Variants in PRKN observed in about 807,000 individuals in gnomAD.
PRKN encodes parkin RBR E3 ubiquitin protein ligase, also known as E3 ubiquitin-protein ligase parkin.
A neutral mutation model predicts 59.5 loss-of-function variants in PRKN; 56 were observed. That is an observed-to-expected ratio of 0.94 (90% confidence interval 0.76 to 1.18). PRKN has a LOEUF of 1.18. Among genes scored for constraint, PRKN ranks in the 50% most tolerant of loss-of-function variants. The pLI is 0.00. For synonymous variants in PRKN, 250 were observed against 222.1 expected (o/e 1.13, Z -1.12); for missense variants, 657 against 596.4 (o/e 1.10, Z -1.06).
intron 1 of PRKN, among the ~76,000 whole-genome samples, chr6:162,652,568 C>G (rs1399375060): frequency 6.6e-6 from 1 of 152,004 alleles, no homozygotes; most frequent in Non-Finnish European, 1.5e-5. Flanking sequence ...AAAAGCAATA[C>G]AACACAATAT....
chr6:162,227,042 C>A (rs180936636), intron 3 of PRKN, among the ~76,000 whole-genome samples: 1 of 152,322 alleles, frequency 6.6e-6, no homozygotes, highest in East Asian at 1.9e-4. Flanking sequence ...AATGCACAGT[C>A]TTCTTGTCAT....
intron 6 of PRKN, among the ~76,000 whole-genome samples, chr6:161,923,859 T>C (rs1167069674): frequency 6.6e-6 from 1 of 152,282 alleles, no homozygotes; most frequent in East Asian, 1.9e-4. Flanking sequence ...TGGCTTCCTC[T>C]TTCCCTGTCT....
At chr6:162,344,983 A>C (rs1784337136) in intron 2 of PRKN, among the ~76,000 whole-genome samples, 1 of 152,234 alleles carries the variant, frequency 6.6e-6, no homozygotes, top group African/African-American at 2.4e-5. Context: ...AGTGTGCACC[A>C]AAAGGTAAAG....
At chr6:162,105,075 T>C (rs1780134628) in intron 4 of PRKN, among the ~76,000 whole-genome samples, 1 of 152,130 alleles carries the variant, frequency 6.6e-6, no homozygotes, top group Admixed American at 6.6e-5. Flanking sequence ...GAAGCACTCA[T>C]CACGCATTAG....
intron 1 of PRKN, among the ~76,000 whole-genome samples, chr6:162,617,702 ATCTG>A (rs1363519760): frequency 3.3e-5 from 5 of 152,150 alleles, no homozygotes; most frequent in African/African-American, 7.2e-5. Context: ...TTATGCAGTT[ATCTG>A]TCTTTCTGTG....
At chr6:161,974,760 A>C (rs2128252360) in intron 5 of PRKN, among the ~76,000 whole-genome samples, 1 of 152,290 alleles carries the variant, frequency 6.6e-6, no homozygotes, top group Non-Finnish European at 1.5e-5. Flanking sequence ...TAACTACCTG[A>C]AATGTGGGAA....
intron 6 of PRKN, among the ~76,000 whole-genome samples, chr6:161,831,248 T>TA (rs1792486961): frequency 6.6e-6 from 1 of 152,052 alleles, no homozygotes; most frequent in African/African-American, 2.4e-5. Context: ...CACAATGAAA[T>TA]AAAAATAAAA....
intron 1 of PRKN, among the ~76,000 whole-genome samples, chr6:162,527,698 G>A (rs1583731056): frequency 6.6e-6 from 1 of 152,174 alleles, no homozygotes; most frequent in Non-Finnish European, 1.5e-5. Context: ...AGTACATGTA[G>A]ACATGGTCCA....
chr6:161,353,943 G>C lies in PRKN; in HGVS notation c.1286-3732C>G, dbSNP rs62435870. 0.21 allele frequency among the ~76,000 whole-genome samples: 31,670 copies of C among 152,186 alleles called. 3,819 individuals are homozygous for C. The highest frequency in any genetic ancestry group is 0.34 in the African/African-American group (14,135 of 41,510). On this transcript the variant is annotated intron_variant, in intron 11 of 11. Transcript: ENST00000366898. The surrounding 1 kb of genome is among the most constrained non-coding windows in gnomAD (Gnocchi z 4.8). ...AACCCCCGCACATTCCGTCACAGAAGTCTTCTGTGCTGACTGTTGTTATTG... is the reference window on the plus strand; with the variant it reads ...AACCCCCGCACATTCCGTCACAGAACTCTTCTGTGCTGACTGTTGTTATTG...
At chr6:161,825,807 G>A (rs369938906) in intron 6 of PRKN, among the ~76,000 whole-genome samples, 22 of 152,230 alleles carry the variant, frequency 1.4e-4, no homozygotes, top group African/African-American at 4.1e-4. Context: ...CTTGCCTTCA[G>A]AGGGCTGGTC....
chr6:162,488,010 C>A (rs929988031), intron 1 of PRKN, among the ~76,000 whole-genome samples: 3 of 149,166 alleles, frequency 2.0e-5, no homozygotes, highest in Non-Finnish European at 4.4e-5. Flanking sequence ...AGAACAGACA[C>A]TACATCCACC....
At position 161,458,967 on chromosome 6, in the gene PRKN, T is replaced by C. The variant is rs1305038456; in HGVS notation, c.1084-72090A>G. Among the ~76,000 whole-genome samples, 2 of 152,148 alleles carry C rather than the reference T, an allele frequency of 1.3e-5. No homozygotes were observed. The highest frequency in any genetic ancestry group is 4.8e-5 in the African/African-American group (2 of 41,432). ...CTTTATTTGGACAGCCTCAAATCCC[T>C]TCATCTTATCTGGAGGGAAGACAGG... On this transcript the variant is annotated intron_variant, in intron 9 of 11. Coordinates refer to ENST00000366898, the MANE Select transcript of PRKN (RefSeq NM_004562.3). The surrounding 1 kb of genome is among the most constrained non-coding windows in gnomAD (Gnocchi z 6.1).
intron 7 of PRKN, among the ~76,000 whole-genome samples, chr6:161,659,921 C>T (rs937107331): frequency 2.0e-5 from 3 of 152,126 alleles, no homozygotes; most frequent in Non-Finnish European, 4.4e-5. Context: ...CCATTCATTA[C>T]CGAGTTCATA....
intron 3 of PRKN, among the ~76,000 whole-genome samples, chr6:162,210,992 C>T (rs1158892967): frequency 1.3e-5 from 2 of 152,128 alleles, no homozygotes; most frequent in African/African-American, 4.8e-5. Context: ...CATTTCATAA[C>T]AAAGAAAACA....
rs73020759 is a variant in PRKN, at chr6:162,200,070, C to T, written c.534+1061G>A. 4.5e-3 allele frequency among the ~76,000 whole-genome samples: 692 copies of T among 152,246 alleles called. 1 individual carries two copies. The highest frequency in any genetic ancestry group is 0.01 in the Middle Eastern group (3 of 292). On this transcript the variant is annotated intron_variant, in intron 4 of 11. Transcript: ENST00000366898. Reference sequence around the variant, plus strand: ...GTTTATACAATTTTGCTGTGGTTTCCGTCAGCTTGCAGAATAGAATCTGAA... The same window carrying T: ...GTTTATACAATTTTGCTGTGGTTTCTGTCAGCTTGCAGAATAGAATCTGAA...
In PRKN at chr6:161,390,778, C is replaced by A. The variant is rs1479332942; in HGVS notation, c.1084-3901G>T. On this transcript the variant is annotated intron_variant, in intron 9 of 11. Transcript: ENST00000366898. The surrounding 1 kb of genome is among the most constrained non-coding windows in gnomAD (Gnocchi z 7.0). The stretch of plus-strand genomic sequence containing the variant: ...TGCTGGGATTACAGGCATGAGCCAC[C>A]GTGCCTGGCCAAGACGTGATTATTT... 6.6e-6 allele frequency among the ~76,000 whole-genome samples: 1 copy of A among 152,070 alleles called. No homozygotes were observed. The highest frequency in any genetic ancestry group is 1.5e-5 in the Non-Finnish European group (1 of 68,016).
Position 162,109,090 on chromosome 6 carries a change from A to G in PRKN, c.535-54916T>C, listed in dbSNP as rs563372997. Among the ~76,000 whole-genome samples the G allele has an allele frequency of 3.3e-5, 5 of 152,262 alleles. No homozygotes were observed. The South Asian group carries it at 1.0e-3, about 32-fold the overall frequency. ...ATGAAGAAATTTCTAGAAAAGGGTC[A>G]CCAAGTTGTTGTCGTGAAAAGGGGC... On this transcript the variant is annotated intron_variant, in intron 4 of 11. Coordinates refer to ENST00000366898, the MANE Select transcript of PRKN (RefSeq NM_004562.3).
chr6:161,647,760 T>C (rs1469135561), intron 7 of PRKN, among the ~76,000 whole-genome samples: 1 of 152,222 alleles, frequency 6.6e-6, no homozygotes, highest in Non-Finnish European at 1.5e-5. Context: ...TTATTGAGTT[T>C]CTTCAGTGTT....
At chr6:162,136,102 GTATATATAAA>G (rs945687470) in intron 4 of PRKN, among the ~76,000 whole-genome samples, 3 of 148,950 alleles carry the variant, frequency 2.0e-5, no homozygotes, top group Non-Finnish European at 4.5e-5. Flanking sequence ...ATGTATTTAT[GTATATATAAA>G]TATATATAAA....
Sources: gnomAD v4.1 joint callset for allele counts (sites outside exome capture counted in the v4.1 genomes callset) on GRCh38, gnomAD v4.1.1 for gene constraint, Gnocchi (gnomAD v3.1) non-coding constraint, MANE v1.5 for transcripts, NCBI Gene and HGNC (gene_info 2026-07-23, HGNC 2026-07-21) for gene names.